SMARCC1: variants seen among roughly 807,000 people sequenced by gnomAD.
The protein encoded by SMARCC1 is SWI/SNF related BAF chromatin remodeling complex subunit C1.
Under a neutral mutation model 147.4 loss-of-function variants are expected in SMARCC1, and 43 were observed. That is an observed-to-expected ratio of 0.29 (90% CI 0.23 to 0.38). SMARCC1 has a LOEUF of 0.38. Among genes scored for constraint, SMARCC1 ranks in the 10% least tolerant of loss-of-function variants. SMARCC1 has a pLI of 1.00. For missense variants in SMARCC1, 1,119 were observed against 1,381.1 expected, an observed-to-expected ratio of 0.81 and a Z score of 3.01; for synonymous variants, 495 against 484.4, an observed-to-expected ratio of 1.02 and a Z score of -0.29.
At chr3:47,598,298 T>C (rs913073203) in intron 26 of SMARCC1, among the ~76,000 whole-genome samples, 17 of 152,156 alleles carry the variant, frequency 1.1e-4, no homozygotes, top group Admixed American at 6.6e-5. Flanking sequence ...AAGTACAATA[T>C]TCTAGCCTGC....
chr3:47,678,342 G>A, intron 15 of SMARCC1, 31 bp from the exon 16 acceptor site: 2 of 1,106,866 alleles, frequency 1.8e-6, no homozygotes, highest in Non-Finnish European at 2.7e-6. Context: ...TCATAAGGTG[G>A]ACATGTATCC....
chr3:47,661,941 TCCA>T (rs1048071637), intron 20 of SMARCC1, among the ~76,000 whole-genome samples: 24 of 152,114 alleles, frequency 1.6e-4, no homozygotes, highest in Admixed American at 1.4e-3. Context: ...CCTCTGTCCC[TCCA>T]ATTCCTAAAG....
intron 5 of SMARCC1, among the ~76,000 whole-genome samples, chr3:47,734,046 C>T (rs552170326): frequency 9.9e-5 from 15 of 151,820 alleles, no homozygotes; most frequent in Admixed American, 3.9e-4. Flanking sequence ...CATACACACA[C>T]GTATGTAACA....
In SMARCC1 at chr3:47,598,270, C is replaced by T. The variant is rs569917186; in HGVS notation, c.3044-7433G>A. ...TTTTGTTGCTGCTGGAAACAGGAGG[C>T]CTACTTTTAAAACTAAAAAGTACAA... On this transcript the variant is annotated intron_variant, in intron 26 of 27. Coordinates refer to ENST00000254480, the MANE Select transcript of SMARCC1 (RefSeq NM_003074.4). 2.6e-5 allele frequency among the ~76,000 whole-genome samples: 4 copies of T among 152,218 alleles called. No homozygotes were observed. In the East Asian group the frequency reaches 7.7e-4, roughly 29 times the overall value.
At chr3:47,666,095 C>T (rs1224881919) in intron 19 of SMARCC1, among the ~76,000 whole-genome samples, 1 of 152,266 alleles carries the variant, frequency 6.6e-6, no homozygotes, top group African/African-American at 2.4e-5. Flanking sequence ...CAAACATGAT[C>T]AGGACACTGC....
At chr3:47,716,778 C>T (rs2034161165) in intron 7 of SMARCC1, among the ~76,000 whole-genome samples, 1 of 152,138 alleles carries the variant, frequency 6.6e-6, no homozygotes, top group African/African-American at 2.4e-5. Flanking sequence ...GACTTGAAGC[C>T]TTTAGACTGG....
chr3:47,711,065 T>C (rs1559651456), intron 8 of SMARCC1, among the ~76,000 whole-genome samples: 2 of 152,234 alleles, frequency 1.3e-5, no homozygotes, highest in South Asian at 4.1e-4. Context: ...TTTGTTTTGC[T>C]TAATCATTTC....
At chr3:47,616,895 G>A (rs1187049192) in intron 25 of SMARCC1, among the ~76,000 whole-genome samples, 2 of 152,042 alleles carry the variant, frequency 1.3e-5, no homozygotes, top group South Asian at 2.1e-4. Context: ...CAAACCAAAC[G>A]TTCTATTTAA....
chr3:47,634,864 T>C (rs1247384056), intron 24 of SMARCC1, among the ~76,000 whole-genome samples: 1 of 152,206 alleles, frequency 6.6e-6, no homozygotes, highest in African/African-American at 2.4e-5. Flanking sequence ...ATTGGAACAA[T>C]AGTCCAAGAT....
At chr3:47,728,764 A>C (rs959403231) in intron 6 of SMARCC1, among the ~76,000 whole-genome samples, 1 of 152,152 alleles carries the variant, frequency 6.6e-6, no homozygotes, top group Non-Finnish European at 1.5e-5. Context: ...CAAATATTAC[A>C]GCTGGGCATG....
At chr3:47,720,886 CA>C (rs1354600070) in intron 6 of SMARCC1, 151 bp from the exon 7 acceptor site, 1 of 647,854 alleles carries the variant, frequency 1.5e-6, no homozygotes, top group Non-Finnish European at 2.7e-6. Flanking sequence ...AAAAAGTTTT[CA>C]AATTGAGTAC....
rs775198311 is a variant in SMARCC1 at position 47,636,155 on chromosome 3, A to C, written c.2377-19T>G. The C allele has an allele frequency of 1.4e-6, 2 of 1,388,348 alleles. No homozygotes were observed. The highest frequency in any genetic ancestry group is 4.6e-5 in the East Asian group (2 of 43,620). The allele number at this position is 1,388,348 out of a possible 1,614,324, so 86.0% of individuals were successfully genotyped here. On this transcript the variant is annotated intron_variant, in intron 22 of 27. Coordinates refer to ENST00000254480, the MANE Select transcript of SMARCC1 (RefSeq NM_003074.4). The stretch of plus-strand genomic sequence containing the variant: ...TTTCTGCCTGAAAGGGATATAAAAC[A>C]AGAGGACAGGCAGTGAACAAAAAAA...
chr3:47,620,482 T>A lies in SMARCC1; in HGVS notation c.2781+1725A>T, dbSNP rs193245946. Among the ~76,000 whole-genome samples the A allele has an allele frequency of 3.6e-3, 539 of 151,336 alleles. 25 individuals are homozygous for A. The East Asian group carries it at 0.084, about 24-fold the overall frequency. On this transcript the variant is annotated intron_variant, in intron 25 of 27. Transcript: ENST00000254480. ...CGTTTTCAGGAAAAAAAAAAAAAAA[T>A]TTGTTTTTGTTTTTTTTCCACTAAG...
At chr3:47,676,983 AC>A (rs757427221) in intron 16 of SMARCC1, among the ~76,000 whole-genome samples, 72 of 152,296 alleles carry the variant, frequency 4.7e-4, no homozygotes, top group Non-Finnish European at 5.7e-4. Flanking sequence ...ATAACACAGC[AC>A]CCCCAAACCT....
chr3:47,588,351 G>C, intron 27 of SMARCC1, 45 bp from the exon 28 acceptor site: 3 of 1,564,376 alleles, frequency 1.9e-6, no homozygotes, highest in Non-Finnish European at 2.6e-6. Context: ...GGAAATACAA[G>C]AGACTCAGGA....
intron 24 of SMARCC1, among the ~76,000 whole-genome samples, chr3:47,624,897 A>T (rs1030547290): frequency 6.8e-5 from 9 of 133,254 alleles, no homozygotes; most frequent in African/African-American, 2.6e-4. Context: ...TAAAAATTAA[A>T]AAAAAAAAAA....
rs891343025 is a variant in SMARCC1 at position 47,659,767 on chromosome 3, G to GGT, written c.2320+1526_2320+1527insAC. ...TCTACTAAGAAAAAAAAAAGGGGGG[G>GGT]GGGGCAAGAATCTGAGTAGGTATTT... On this transcript the variant is annotated intron_variant, in intron 21 of 27. Coordinates refer to ENST00000254480, the MANE Select transcript of SMARCC1 (RefSeq NM_003074.4). 3.0e-4 allele frequency among the ~76,000 whole-genome samples: 36 copies of GGT among 119,710 alleles called. 1 individual carries two copies. The highest frequency in any genetic ancestry group is 5.7e-4 in the Non-Finnish European group (33 of 57,752). The allele number at this position is 119,710 out of a possible 152,430, so 78.5% of individuals were successfully genotyped here.
chr3:47,629,448 G>A (rs976942148), intron 24 of SMARCC1, among the ~76,000 whole-genome samples: 3 of 152,182 alleles, frequency 2.0e-5, no homozygotes, highest in Non-Finnish European at 4.4e-5. Context: ...CTTCTACCTT[G>A]AGCTGTGCTC....
Position 47,622,445 on chromosome 3 carries a change from G to C in SMARCC1, c.2647-104C>G, listed in dbSNP as rs148929306. 219 of 1,086,316 alleles carry C rather than the reference G, an allele frequency of 2.0e-4. No individual in the cohort carries two copies. In the African/African-American group the frequency reaches 3.0e-3, roughly 15 times the overall value. 67.3% of individuals were successfully genotyped at this position (1,086,316 alleles called of 1,614,324 possible). A position where few individuals can be genotyped will look rare whatever the true frequency, so the allele number is the denominator to read the frequency against. ...AGTAGAGATTATATAATTTACAATG[G>C]TACCCTATATGTCTCCTTTGTAACG... On this transcript the variant is annotated intron_variant, in intron 24 of 27. Coordinates refer to ENST00000254480, the MANE Select transcript of SMARCC1 (RefSeq NM_003074.4).
Sources: allele counts gnomAD v4.1 joint callset (sites outside exome capture counted in the v4.1 genomes callset), GRCh38; gene constraint gnomAD v4.1.1; transcripts MANE v1.5; gene names NCBI Gene and HGNC (gene_info 2026-07-23, HGNC 2026-07-21).